The following IQCM variants were observed in gnomAD, a reference collection of about 807,000 sequenced individuals.
IQCM encodes the protein IQ domain-containing protein M.
Under a neutral mutation model 57.6 loss-of-function variants are expected in IQCM, and 45 were observed. The ratio of observed to expected loss-of-function variants is 0.78; its 90% confidence interval spans 0.62 to 1.00. The LOEUF is 1.00. IQCM is among the 50% of genes least tolerant of loss of function. IQCM has a pLI of 0.00. For missense variants in IQCM, 468 were observed against 511.6 expected (o/e 0.91, Z 0.82); for synonymous variants, 148 against 158.9 (o/e 0.93, Z 0.51).
chr4:149,761,291 A>G (rs924812392), intron 2 of IQCM, among the ~76,000 whole-genome samples: 4 of 152,114 alleles, frequency 2.6e-5, no homozygotes, highest in African/African-American at 9.7e-5. Flanking sequence ...ATAATCTAAT[A>G]ATAAATAATC....
chr4:149,483,204 T>C (rs976732022), intron 12 of IQCM, among the ~76,000 whole-genome samples: 2 of 151,868 alleles, frequency 1.3e-5, no homozygotes, highest in African/African-American at 4.8e-5. Context: ...TGATTTTCTT[T>C]ATCTTTGCAA....
intron 5 of IQCM, among the ~76,000 whole-genome samples, chr4:149,692,133 C>T (rs1228872513): frequency 6.6e-6 from 1 of 152,118 alleles, no homozygotes; most frequent in Non-Finnish European, 1.5e-5. Context: ...TGAGCCACTA[C>T]CAGACATGGG....
chr4:149,557,109 C>T (rs985404795), intron 10 of IQCM, among the ~76,000 whole-genome samples: 1 of 152,022 alleles, frequency 6.6e-6, no homozygotes, highest in Non-Finnish European at 1.5e-5. Context: ...CTCTATAGGC[C>T]GTGGTTCTTG....
Position 149,580,869 on chromosome 4 carries a change from G to T in IQCM, c.749+7061C>A, listed in dbSNP as rs537015012. Among the ~76,000 whole-genome samples the T allele has an allele frequency of 3.5e-3, 537 of 151,660 alleles. 1 individual carries two copies. The highest frequency in any genetic ancestry group is 6.2e-3 in the Non-Finnish European group (423 of 67,770). The stretch of plus-strand genomic sequence containing the variant: ...AGCAGAGAAAATATATTAAAAGGGT[G>T]ATTCAATAATTGAACAAATATTTAT... On this transcript the variant is annotated intron_variant, in intron 9 of 13. Transcript: ENST00000636793.
intron 13 of IQCM, among the ~76,000 whole-genome samples, chr4:149,414,886 G>C (rs1234411912): frequency 6.6e-6 from 1 of 151,810 alleles, no homozygotes; most frequent in Non-Finnish European, 1.5e-5. Context: ...AAAAATATCA[G>C]GTATATTGAA....
At chr4:149,649,311 A>T (rs1325863055) in intron 7 of IQCM, among the ~76,000 whole-genome samples, 3 of 151,874 alleles carry the variant, frequency 2.0e-5, no homozygotes, top group African/African-American at 7.3e-5. Flanking sequence ...AGGGTCTTTT[A>T]TGAAGATCTC....
At chr4:149,700,450 A>T (rs1763683724) in intron 5 of IQCM, among the ~76,000 whole-genome samples, 1 of 151,844 alleles carries the variant, frequency 6.6e-6, no homozygotes, top group Non-Finnish European at 1.5e-5. Context: ...CATCACTGTG[A>T]AAAGAAGGCT....
intron 2 of IQCM, among the ~76,000 whole-genome samples, chr4:149,785,329 T>C (rs548239880): frequency 6.6e-6 from 1 of 152,252 alleles, no homozygotes; most frequent in South Asian, 2.1e-4. Flanking sequence ...AGAAATATAA[T>C]TTTTACCCTA....
chr4:149,420,871 G>A (rs567807088), intron 13 of IQCM, among the ~76,000 whole-genome samples: 1 of 152,136 alleles, frequency 6.6e-6, no homozygotes, highest in African/African-American at 2.4e-5. Context: ...ACCAGCATCT[G>A]CTATAAAATT....
intron 2 of IQCM, among the ~76,000 whole-genome samples, chr4:149,747,471 C>T (rs1332703813): frequency 6.6e-6 from 1 of 152,132 alleles, no homozygotes; most frequent in Non-Finnish European, 1.5e-5. Flanking sequence ...GTTCTAACAC[C>T]ATATTGTTTA....
chr4:149,472,806 G>T (rs1739724964), intron 12 of IQCM, among the ~76,000 whole-genome samples: 1 of 151,978 alleles, frequency 6.6e-6, no homozygotes, highest in Non-Finnish European at 1.5e-5. Flanking sequence ...AGAGCCCTCA[G>T]AAATAATACC....
chr4:149,483,417 T>A lies in IQCM; in HGVS notation c.1229-49860A>T, dbSNP rs895869769. 2.0e-5 allele frequency among the ~76,000 whole-genome samples: 3 copies of A among 151,876 alleles called. No individual in the cohort carries two copies. The East Asian group carries it at 5.8e-4, about 29-fold the overall frequency. On this transcript the variant is annotated intron_variant, in intron 12 of 13. Transcript: ENST00000636793. ...ATGCAGGTTCTTATAGCTATAAATT[T>A]CCCTCCTTAGTATTGGTTTTGCTGT...
chr4:149,466,885 C>A (rs1158135577), intron 12 of IQCM, among the ~76,000 whole-genome samples: 1 of 152,134 alleles, frequency 6.6e-6, no homozygotes, highest in Non-Finnish European at 1.5e-5. Flanking sequence ...AACCTTCTTG[C>A]TGCATCCACA....
At chr4:149,386,330 T>G (rs912141047) in intron 13 of IQCM, among the ~76,000 whole-genome samples, 1 of 152,064 alleles carries the variant, frequency 6.6e-6, no homozygotes, top group Non-Finnish European at 1.5e-5. Flanking sequence ...ATCACAATTA[T>G]TTTTCAAACA....
chr4:149,612,760 T>TAC (rs1178406176), intron 8 of IQCM, among the ~76,000 whole-genome samples: 3 of 152,130 alleles, frequency 2.0e-5, no homozygotes, highest in African/African-American at 7.2e-5. Flanking sequence ...AAGAGATTCA[T>TAC]ACATTAATAT....
chr4:149,461,828 A>ATAT (rs1738323306), intron 12 of IQCM, among the ~76,000 whole-genome samples: 1 of 151,730 alleles, frequency 6.6e-6, no homozygotes, highest in Non-Finnish European at 1.5e-5. Flanking sequence ...TACTATATAT[A>ATAT]TATAGTGTGT....
chr4:149,451,899 A>T (rs1207830654), intron 12 of IQCM, among the ~76,000 whole-genome samples: 1 of 151,760 alleles, frequency 6.6e-6, no homozygotes, highest in Admixed American at 6.6e-5. Context: ...GATGACAGGC[A>T]TCTATCTTAG....
chr4:149,767,080 A>G (rs2149978594), intron 2 of IQCM, among the ~76,000 whole-genome samples: 1 of 152,210 alleles, frequency 6.6e-6, no homozygotes, highest in Admixed American at 6.5e-5. Flanking sequence ...TGAAATTGTG[A>G]TGCAATTTCA....
intron 7 of IQCM, among the ~76,000 whole-genome samples, chr4:149,677,583 T>C (rs1185876801): frequency 6.6e-6 from 1 of 151,834 alleles, no homozygotes; most frequent in Non-Finnish European, 1.5e-5. Context: ...AAATAATAAT[T>C]AAATAAGACC....
Sources: allele counts gnomAD v4.1 joint callset (sites outside exome capture counted in the v4.1 genomes callset), GRCh38; gene constraint gnomAD v4.1.1; transcripts MANE v1.5; gene names NCBI Gene and HGNC (gene_info 2026-07-23, HGNC 2026-07-21).